The following MAN1A1 variants were observed in gnomAD, a reference collection of about 807,000 sequenced individuals.
The protein encoded by MAN1A1 is mannosyl-oligosaccharide 1,2-alpha-mannosidase IA.
MAN1A1 carries 29 observed loss-of-function variants against 70.8 expected under a neutral mutation model. The observed-to-expected ratio is 0.41, with a 90% CI of 0.31 to 0.56. The LOEUF (loss-of-function observed/expected upper bound fraction) is 0.56. Ranked by LOEUF, MAN1A1 falls within the 20% of genes least tolerant of loss-of-function variation. The pLI, the probability that MAN1A1 is intolerant of heterozygous loss-of-function variation, is 0.29. For missense variants in MAN1A1, 747 were observed against 841.3 expected (o/e 0.89, Z 1.39); for synonymous variants, 349 against 330.1 (o/e 1.06, Z -0.62).
At chr6:119,191,366 T>C (rs1464811185) in intron 9 of MAN1A1, among the ~76,000 whole-genome samples, 1 of 152,130 alleles carries the variant, frequency 6.6e-6, no homozygotes, top group African/African-American at 2.4e-5. Flanking sequence ...GGATCCTAAA[T>C]AAAGTATTTC....
chr6:119,211,654 G>C (rs1774053926), intron 6 of MAN1A1, among the ~76,000 whole-genome samples: 1 of 152,018 alleles, frequency 6.6e-6, no homozygotes, highest in African/African-American at 2.4e-5. Context: ...TCACAAATTT[G>C]CAATGGTCTG....
chr6:119,317,193 G>A (rs368584424), intron 2 of MAN1A1, among the ~76,000 whole-genome samples: 19 of 151,886 alleles, frequency 1.3e-4, no homozygotes, highest in South Asian at 2.1e-4. Context: ...TCAACATTAC[G>A]CACGAGAATC....
rs977885950 is a variant in MAN1A1, at chr6:119,288,927, T to C, written c.897+1756A>G. On this transcript the variant is annotated intron_variant, in intron 5 of 12. Coordinates refer to ENST00000368468, the MANE Select transcript of MAN1A1 (RefSeq NM_005907.4). ...ATAATGGCAAAACAGACTGAAAGAA[T>C]AGTTATTTGCAATGGAAGTGTTCTT... 2.6e-5 allele frequency among the ~76,000 whole-genome samples: 4 copies of C among 151,938 alleles called. No individual in the cohort carries two copies. The South Asian group carries it at 8.3e-4, about 32-fold the overall frequency.
intron 2 of MAN1A1, among the ~76,000 whole-genome samples, chr6:119,324,471 C>G (rs1367944997): frequency 1.3e-5 from 2 of 152,130 alleles, no homozygotes; most frequent in Non-Finnish European, 2.9e-5. Flanking sequence ...GTGCCCCAAT[C>G]CCTGCATTGT....
chr6:119,345,140 G>T (rs1428627429), intron 2 of MAN1A1, among the ~76,000 whole-genome samples: 1 of 146,746 alleles, frequency 6.8e-6, no homozygotes, highest in African/African-American at 2.5e-5. Context: ...TTGGATTAAG[G>T]TTCTAATCCT....
At chr6:119,229,689 T>C (rs1407633824) in intron 6 of MAN1A1, among the ~76,000 whole-genome samples, 2 of 152,208 alleles carry the variant, frequency 1.3e-5, no homozygotes, top group Admixed American at 6.5e-5. Context: ...CTTGGTTTCC[T>C]ACAGTGCTAA....
At chr6:119,190,304 G>A (rs1773409006) in intron 9 of MAN1A1, among the ~76,000 whole-genome samples, 1 of 152,204 alleles carries the variant, frequency 6.6e-6, no homozygotes, top group Admixed American at 6.5e-5. Flanking sequence ...ATCCAGGATG[G>A]TGGCAGAACT....
chr6:119,213,030 G>A (rs1774095589), intron 6 of MAN1A1, among the ~76,000 whole-genome samples: 1 of 152,160 alleles, frequency 6.6e-6, no homozygotes, highest in Middle Eastern at 3.2e-3. Context: ...AACAGATGAT[G>A]TCTAGGTAAT....
chr6:119,204,312 T>C (rs1369661653), intron 7 of MAN1A1, among the ~76,000 whole-genome samples: 2 of 152,090 alleles, frequency 1.3e-5, no homozygotes, highest in African/African-American at 2.4e-5. Flanking sequence ...AAAAAGCAGG[T>C]TGAAAATAAA....
At chr6:119,229,094 A>G (rs558436274) in intron 6 of MAN1A1, among the ~76,000 whole-genome samples, 20 of 152,182 alleles carry the variant, frequency 1.3e-4, no homozygotes, top group African/African-American at 4.8e-4. Flanking sequence ...ACCTCAAATT[A>G]TTTTCAAATA....
intron 5 of MAN1A1, among the ~76,000 whole-genome samples, chr6:119,275,290 T>TAGTAGAGACGGGGTTTCACCA (rs751486961): frequency 1.2e-3 from 31 of 25,288 alleles, no homozygotes; most frequent in African/African-American, 2.4e-3. Flanking sequence ...TTTTTTTTTT[T>TAGTAGAGACGGGGTTTCACCA]TTTTTTTTTT....
intron 6 of MAN1A1, among the ~76,000 whole-genome samples, chr6:119,208,432 T>C (rs940305119): frequency 6.6e-6 from 1 of 152,238 alleles, no homozygotes; most frequent in Non-Finnish European, 1.5e-5. Context: ...TTTAAAGGAA[T>C]TGAGTCACTA....
chr6:119,216,314 G>C (rs1334322238), intron 6 of MAN1A1, among the ~76,000 whole-genome samples: 1 of 152,158 alleles, frequency 6.6e-6, no homozygotes, highest in Non-Finnish European at 1.5e-5. Context: ...TGATTGTATA[G>C]GCAAAAGGCA....
intron 11 of MAN1A1, among the ~76,000 whole-genome samples, chr6:119,180,793 C>T (rs1473583482): frequency 2.0e-5 from 3 of 152,082 alleles, no homozygotes; most frequent in Non-Finnish European, 4.4e-5. Flanking sequence ...GGATTACAGC[C>T]ATGAGCCACT....
At chr6:119,223,403 T>C (rs1671528368) in intron 6 of MAN1A1, among the ~76,000 whole-genome samples, 1 of 152,100 alleles carries the variant, frequency 6.6e-6, no homozygotes, top group South Asian at 2.1e-4. Flanking sequence ...TTAAAGTTAT[T>C]TGACTTAAAA....
chr6:119,258,244 TTCAAGAA>T (rs1775511906), intron 5 of MAN1A1, among the ~76,000 whole-genome samples: 1 of 152,180 alleles, frequency 6.6e-6, no homozygotes, highest in South Asian at 2.1e-4. Context: ...GTGATCTTTG[TTCAAGAA>T]AAAGACAAAA....
At chr6:119,332,515 CTG>C (rs1773346546) in intron 2 of MAN1A1, among the ~76,000 whole-genome samples, 1 of 152,096 alleles carries the variant, frequency 6.6e-6, no homozygotes, top group African/African-American at 2.4e-5. Context: ...AAATTAATAG[CTG>C]AGGTTTAAGA....
chr6:119,202,986 CT>C (rs1562190032), intron 7 of MAN1A1, among the ~76,000 whole-genome samples: 9 of 132,148 alleles, frequency 6.8e-5, no homozygotes, highest in African/African-American at 2.5e-4. Context: ...CAAGAGCTCT[CT>C]CTCTCTCTCT....
intron 3 of MAN1A1, among the ~76,000 whole-genome samples, chr6:119,306,263 C>T (rs1772521236): frequency 6.6e-6 from 1 of 152,036 alleles, no homozygotes; most frequent in Admixed American, 6.6e-5. Context: ...GCTCTGTGAC[C>T]CAAAGAATCC....
Sources: allele counts gnomAD v4.1 joint callset (sites outside exome capture counted in the v4.1 genomes callset), GRCh38; gene constraint gnomAD v4.1.1; transcripts MANE v1.5; gene names NCBI Gene and HGNC (gene_info 2026-07-23, HGNC 2026-07-21).